The following RERE variants were observed in gnomAD, a reference collection of about 807,000 sequenced individuals.
RERE encodes the protein arginine-glutamic acid dipeptide repeats.
A neutral mutation model predicts 146.1 loss-of-function variants in RERE; 40 were observed. The ratio of observed to expected loss-of-function variants is 0.27; its 90% CI spans 0.21 to 0.36. RERE has a LOEUF of 0.36. Ranked by LOEUF, RERE falls within the 10% of genes least tolerant of loss-of-function variation. The probability of loss-of-function intolerance (pLI) is 1.00; values close to 1 mark genes in which losing one functional copy is unlikely to be tolerated. For synonymous variants in RERE, 1,003 were observed against 866.0 expected (o/e 1.16, Z -2.78); for missense variants, 1,933 against 2,138.7 (o/e 0.90, Z 1.90).
chr1:8,688,381 G>A (rs1249679153), intron 1 of RERE, among the ~76,000 whole-genome samples: 1 of 152,044 alleles, frequency 6.6e-6, no homozygotes, highest in African/African-American at 2.4e-5. Flanking sequence ...GGGTAACATG[G>A]TGAAACCCCG....
At chr1:8,451,635 G>T (rs1216847978) in intron 11 of RERE, among the ~76,000 whole-genome samples, 1 of 152,130 alleles carries the variant, frequency 6.6e-6, no homozygotes, top group Non-Finnish European at 1.5e-5. Flanking sequence ...CGTGCTAATA[G>T]TGTGAAGTGC....
intron 7 of RERE, among the ~76,000 whole-genome samples, chr1:8,514,713 AGAAT>A (rs1645389952): frequency 6.6e-6 from 1 of 151,296 alleles, no homozygotes; most frequent in South Asian, 2.1e-4. Context: ...GGGCAAAAAA[AGAAT>A]GAAACTCCGC....
At chr1:8,719,789 C>T (rs1639827101) in intron 1 of RERE, among the ~76,000 whole-genome samples, 1 of 152,136 alleles carries the variant, frequency 6.6e-6, no homozygotes, top group South Asian at 2.1e-4. Flanking sequence ...CTACCACCAC[C>T]CCCAGAGAAT....
At chr1:8,750,636 G>A (rs1332193377) in intron 1 of RERE, 21 of 946,398 alleles carry the variant, frequency 2.2e-5, no homozygotes, top group African/African-American at 8.0e-5. Flanking sequence ...ACTGAAATTC[G>A]AATGGCAAGG....
At chr1:8,376,441 A>T (rs1642257967) in intron 12 of RERE, among the ~76,000 whole-genome samples, 1 of 152,304 alleles carries the variant, frequency 6.6e-6, no homozygotes, top group South Asian at 2.1e-4. Flanking sequence ...GCCATGAGTG[A>T]AGATTTAGAA....
chr1:8,429,547 C>A (rs896987657), intron 11 of RERE, among the ~76,000 whole-genome samples: 1 of 152,190 alleles, frequency 6.6e-6, no homozygotes, highest in African/African-American at 2.4e-5. Context: ...AGCAAGAGAG[C>A]AGAAGACAGG....
intron 4 of RERE, among the ~76,000 whole-genome samples, chr1:8,599,769 A>G (rs1646599644): frequency 6.6e-6 from 1 of 152,214 alleles, no homozygotes; most frequent in African/African-American, 2.4e-5. Flanking sequence ...GCAGAAGGAG[A>G]CAGTCTTATC....
intron 12 of RERE, among the ~76,000 whole-genome samples, chr1:8,386,260 A>T (rs1211666050): frequency 6.6e-6 from 1 of 151,426 alleles, no homozygotes; most frequent in Non-Finnish European, 1.5e-5. Flanking sequence ...TAAAAAAATT[A>T]AAAAATTACC....
chr1:8,437,412 C>A (rs1440391117), intron 11 of RERE, among the ~76,000 whole-genome samples: 1 of 152,118 alleles, frequency 6.6e-6, no homozygotes, highest in Non-Finnish European at 1.5e-5. Flanking sequence ...TAATGCAGAT[C>A]CCTGTCTAAC....
intron 7 of RERE, among the ~76,000 whole-genome samples, chr1:8,525,177 A>G (rs555038775): frequency 1.3e-4 from 20 of 152,354 alleles, no homozygotes; most frequent in African/African-American, 4.8e-4. Flanking sequence ...ATCAATTTTA[A>G]GGTGTTATTG....
chr1:8,555,332 T>C (rs771622246), intron 6 of RERE, among the ~76,000 whole-genome samples: 1 of 152,256 alleles, frequency 6.6e-6, no homozygotes, highest in Non-Finnish European at 1.5e-5. Flanking sequence ...ATGTTGTCTA[T>C]TGCTTTTATG....
At chr1:8,718,343 T>G (rs1639800042) in intron 1 of RERE, among the ~76,000 whole-genome samples, 1 of 152,216 alleles carries the variant, frequency 6.6e-6, no homozygotes, top group African/African-American at 2.4e-5. Flanking sequence ...CTATTAGTTT[T>G]TAGTCCCCAC....
At chr1:8,738,101 T>TCC (rs912870352) in intron 1 of RERE, among the ~76,000 whole-genome samples, 14 of 152,074 alleles carry the variant, frequency 9.2e-5, no homozygotes, top group Non-Finnish European at 4.4e-5. Flanking sequence ...TCAAGCACTC[T>TCC]CCCTCCTCTG....
intron 2 of RERE, among the ~76,000 whole-genome samples, chr1:8,642,395 T>G (rs1306637930): frequency 6.6e-6 from 1 of 152,188 alleles, no homozygotes; most frequent in Admixed American, 6.5e-5. Context: ...TGATTCAGAT[T>G]TGTGGTCAAG....
intron 11 of RERE, among the ~76,000 whole-genome samples, chr1:8,441,755 T>A (rs1644251859): frequency 6.6e-6 from 1 of 152,146 alleles, no homozygotes; most frequent in Non-Finnish European, 1.5e-5. Context: ...ACTTACGTGT[T>A]TAAAAAAACC....
intron 2 of RERE, among the ~76,000 whole-genome samples, chr1:8,633,659 G>A (rs924124251): frequency 1.3e-5 from 2 of 152,164 alleles, no homozygotes; most frequent in South Asian, 4.1e-4. Context: ...GCGCACGGTG[G>A]CTCAGGCCTG....
chr1:8,540,336 C>CTTAGGG (rs1645784529), intron 7 of RERE, among the ~76,000 whole-genome samples: 1 of 152,104 alleles, frequency 6.6e-6, no homozygotes, highest in African/African-American at 2.4e-5. Flanking sequence ...AACTCCTGGG[C>CTTAGGG]TCAAGCGCTC....
intron 7 of RERE, among the ~76,000 whole-genome samples, chr1:8,509,354 C>T (rs1645299234): frequency 1.3e-5 from 2 of 152,030 alleles, no homozygotes; most frequent in South Asian, 4.1e-4. Flanking sequence ...TACCATAAGC[C>T]TTATAAAATA....
At chr1:8,391,413 C>A (rs1205651870) in intron 12 of RERE, among the ~76,000 whole-genome samples, 1 of 152,170 alleles carries the variant, frequency 6.6e-6, no homozygotes, top group Non-Finnish European at 1.5e-5. Context: ...CTGACCTCTC[C>A]CCATCACTGT....
Sources: allele counts gnomAD v4.1 joint callset (sites outside exome capture counted in the v4.1 genomes callset), GRCh38; gene constraint gnomAD v4.1.1; transcripts MANE v1.5; gene names NCBI Gene and HGNC (gene_info 2026-07-23, HGNC 2026-07-21).